The following MYO5B variants were observed in gnomAD, a reference collection of about 807,000 sequenced individuals.
MYO5B encodes unconventional myosin-Vb.
A neutral mutation model predicts 229.3 loss-of-function variants in MYO5B; 143 were observed. The observed-to-expected ratio is 0.62, with a 90% CI of 0.54 to 0.72. MYO5B has a LOEUF of 0.72. Among genes scored for constraint, MYO5B ranks in the 30% least tolerant of loss-of-function variants. MYO5B has a pLI of 0.00. For missense variants in MYO5B, 2,321 were observed against 2,331.0 expected, an observed-to-expected ratio of 1.00 and a Z score of 0.09; for synonymous variants, 918 against 885.2, an observed-to-expected ratio of 1.04 and a Z score of -0.66.
At chr18:49,996,245 C>T (rs553528840) in intron 5 of MYO5B, among the ~76,000 whole-genome samples, 1 of 152,244 alleles carries the variant, frequency 6.6e-6, no homozygotes, top group Non-Finnish European at 1.5e-5. Flanking sequence ...ACTGGAACAA[C>T]CATTCTGAAG....
At chr18:50,034,929 G>A (rs1205406683) in intron 4 of MYO5B, among the ~76,000 whole-genome samples, 2 of 152,216 alleles carry the variant, frequency 1.3e-5, no homozygotes, top group African/African-American at 2.4e-5. Context: ...AAATCCTTAA[G>A]GAAGCAATCC....
At chr18:50,185,383 A>G (rs1003637296) in intron 1 of MYO5B, among the ~76,000 whole-genome samples, 3 of 152,200 alleles carry the variant, frequency 2.0e-5, no homozygotes, top group Non-Finnish European at 4.4e-5. Context: ...GCTATTGGCC[A>G]TATCAATGAA....
At chr18:50,105,760 C>T (rs1158642320) in intron 1 of MYO5B, among the ~76,000 whole-genome samples, 2 of 151,992 alleles carry the variant, frequency 1.3e-5, no homozygotes, top group East Asian at 1.9e-4. Flanking sequence ...AGCACAAGGC[C>T]TTGCATATGC....
intron 1 of MYO5B, among the ~76,000 whole-genome samples, chr18:50,130,358 C>A (rs371013505): frequency 1.9e-4 from 29 of 152,238 alleles, no homozygotes; most frequent in African/African-American, 6.5e-4. Context: ...TCCCAGTTGC[C>A]CTGTAGAATT....
chr18:50,001,481 T>C, intron 4 of MYO5B, 70 bp from the exon 5 acceptor site: 1 of 1,568,808 alleles, frequency 6.4e-7, no homozygotes, highest in South Asian at 1.1e-5. Context: ...GGACTCTGTC[T>C]GACAAGGGCC....
intron 16 of MYO5B, among the ~76,000 whole-genome samples, chr18:49,932,941 G>T (rs566920089): frequency 6.6e-6 from 1 of 152,264 alleles, no homozygotes; most frequent in South Asian, 2.1e-4. Flanking sequence ...CCATAGCAAG[G>T]ACAATTAACA....
intron 21 of MYO5B, among the ~76,000 whole-genome samples, chr18:49,899,845 G>T (rs1192508658): frequency 2.0e-5 from 3 of 152,168 alleles, no homozygotes; most frequent in Non-Finnish European, 4.4e-5. Flanking sequence ...TACACACAGG[G>T]CATCCTGCCC....
chr18:49,994,142 C>T (rs1400606744), intron 5 of MYO5B, among the ~76,000 whole-genome samples: 1 of 152,092 alleles, frequency 6.6e-6, no homozygotes. Flanking sequence ...TCCCTGATCC[C>T]GAGACTAGGG....
intron 2 of MYO5B, among the ~76,000 whole-genome samples, chr18:50,053,223 T>C (rs1392608039): frequency 6.6e-6 from 1 of 152,136 alleles, no homozygotes. Flanking sequence ...CAGAGCCCAT[T>C]ATTTCTCGAG....
intron 14 of MYO5B, among the ~76,000 whole-genome samples, chr18:49,942,727 G>A (rs7241946): frequency 0.55 from 81,789 of 149,706 alleles, 22,529 homozygotes; most frequent in Middle Eastern, 0.71. Context: ...AGGTGCTGGA[G>A]AGGATGTGGA....
In MYO5B at chr18:50,126,011, GT is replaced by G. The variant is rs1312951314; in HGVS notation, c.27+68755del. Among the ~76,000 whole-genome samples, 7 of 152,258 alleles carry G rather than the reference GT, an allele frequency of 4.6e-5. No homozygotes were observed. In the East Asian group the frequency reaches 1.4e-3, roughly 29 times the overall value. ...CAGGGGCTGCGAGGAAGGGGTTACT[GT>G]TTAATGGGTGCAGAGATTCTGTTTA... On this transcript the variant is annotated intron_variant, in intron 1 of 39. Transcript: ENST00000285039.
chr18:50,103,600 T>C (rs914770083), intron 1 of MYO5B, among the ~76,000 whole-genome samples: 9 of 152,080 alleles, frequency 5.9e-5, no homozygotes, highest in Non-Finnish European at 1.2e-4. Context: ...AATTTAAAAA[T>C]CAGCCAGACA....
intron 4 of MYO5B, among the ~76,000 whole-genome samples, chr18:50,016,656 T>C (rs556948885): frequency 2.0e-4 from 30 of 152,318 alleles, no homozygotes; most frequent in African/African-American, 7.2e-4. Flanking sequence ...TATGGTGACA[T>C]CTGAGATGTA....
rs1014015413 is a variant in MYO5B, at chr18:49,825,346, G to A, written c.*1125C>T. The A allele has an allele frequency of 6.6e-6, 1 of 151,530 alleles. No individual in the cohort carries two copies. The highest frequency in any genetic ancestry group is 1.5e-5 in the Non-Finnish European group (1 of 67,888). The allele number at this position is 151,530 out of a possible 1,614,324, so 9.4% of individuals were successfully genotyped here. A position where few individuals can be genotyped will look rare whatever the true frequency, so the allele number is the denominator to read the frequency against. ...GGGAGAGATATTTACAATTTTTTGT[G>A]TGCTAAATTTGAAAAACGTTGAAAA... On this transcript the variant is annotated 3_prime_UTR_variant, in exon 40 of 40. Transcript: ENST00000285039.
intron 14 of MYO5B, among the ~76,000 whole-genome samples, chr18:49,940,600 A>G (rs1458159732): frequency 6.6e-6 from 1 of 152,194 alleles, no homozygotes; most frequent in African/African-American, 2.4e-5. Context: ...AACTGGAGAG[A>G]TGCAGACACT....
intron 39 of MYO5B, among the ~76,000 whole-genome samples, chr18:49,834,849 A>G (rs556561430): frequency 2.0e-5 from 3 of 152,266 alleles, no homozygotes; most frequent in African/African-American, 4.8e-5. Context: ...CGTGTTAGCC[A>G]GGATGGTCTT....
chr18:50,026,142 G>A (rs1430221021), intron 4 of MYO5B, among the ~76,000 whole-genome samples: 1 of 152,220 alleles, frequency 6.6e-6, no homozygotes, highest in Non-Finnish European at 1.5e-5. Flanking sequence ...AGCACCAGAA[G>A]GGACTATCAC....
At chr18:50,129,048 T>C (rs2032212164) in intron 1 of MYO5B, among the ~76,000 whole-genome samples, 1 of 152,190 alleles carries the variant, frequency 6.6e-6, no homozygotes, top group Admixed American at 6.5e-5. Context: ...AATGCAGGGC[T>C]GTCAGAGCCG....
intron 17 of MYO5B, among the ~76,000 whole-genome samples, chr18:49,921,721 T>C (rs1393995363): frequency 6.6e-6 from 1 of 152,140 alleles, no homozygotes; most frequent in Non-Finnish European, 1.5e-5. Flanking sequence ...GGGGTAAGAA[T>C]TCCTCTTCCA....
Sources: allele counts gnomAD v4.1 joint callset (sites outside exome capture counted in the v4.1 genomes callset), GRCh38; gene constraint gnomAD v4.1.1; transcripts MANE v1.5; gene names NCBI Gene and HGNC (gene_info 2026-07-23, HGNC 2026-07-21).